TMEM163: variants seen among roughly 807,000 people sequenced by gnomAD.
TMEM163 encodes transmembrane protein 163.
Under a neutral mutation model 29.3 loss-of-function variants are expected in TMEM163, and 17 were observed. The observed-to-expected ratio is 0.58, with a 90% CI of 0.40 to 0.87. The LOEUF is 0.87. Among genes scored for constraint, TMEM163 ranks in the 40% least tolerant of loss-of-function variants. The pLI is 0.00. For missense variants in TMEM163, 303 were observed against 381.5 expected (o/e 0.79, Z 1.71); for synonymous variants, 157 against 160.6 (o/e 0.98, Z 0.17).
In TMEM163 at chr2:134,645,206, A is replaced by T. The variant is rs1683307216; in HGVS notation, c.322+67994T>A. Among the ~76,000 whole-genome samples the T allele has an allele frequency of 2.0e-5, 3 of 152,236 alleles. No individual in the cohort carries two copies. The South Asian group carries it at 6.2e-4, about 31-fold the overall frequency. ...AACCAGTCTTGAAAAACAGTTTGACAATTTCTTATAAATTTAAACATACAC... is the reference window on the plus strand; with the variant it reads ...AACCAGTCTTGAAAAACAGTTTGACTATTTCTTATAAATTTAAACATACAC... On this transcript the variant is annotated intron_variant, in intron 2 of 7. Coordinates refer to ENST00000281924, the MANE Select transcript of TMEM163 (RefSeq NM_030923.5).
At chr2:134,674,260 C>G (rs1276154686) in intron 2 of TMEM163, among the ~76,000 whole-genome samples, 1 of 152,062 alleles carries the variant, frequency 6.6e-6, no homozygotes, top group East Asian at 1.9e-4. Context: ...CAGGTATCAG[C>G]CCAGCTTTAT....
chr2:134,596,551 C>T (rs1167918364), intron 2 of TMEM163, among the ~76,000 whole-genome samples: 1 of 152,192 alleles, frequency 6.6e-6, no homozygotes, highest in African/African-American at 2.4e-5. Flanking sequence ...TAGCGTGATG[C>T]CTCCAGCTTT....
chr2:134,717,843 A>G (rs1375633482), intron 1 of TMEM163, among the ~76,000 whole-genome samples: 1 of 152,194 alleles, frequency 6.6e-6, no homozygotes, highest in Admixed American at 6.5e-5. Context: ...AAAGAATCCA[A>G]GCCCAAAGGA....
rs79528235 is a variant in TMEM163, at chr2:134,587,655, C to T, written c.323-35564G>A. Among the ~76,000 whole-genome samples the T allele has an allele frequency of 3.1e-3, 472 of 152,282 alleles. 10 individuals are homozygous for T. Among genetic ancestry groups the T allele is most frequent in the Admixed American group, 0.026 (397 of 15,286 alleles). On this transcript the variant is annotated intron_variant, in intron 2 of 7. Coordinates refer to ENST00000281924, the MANE Select transcript of TMEM163 (RefSeq NM_030923.5). ...GTTCTAAAACTAAGACTCTAAGACT[C>T]TCAATAAGAAAGCAGTTCCTTAACC...
At chr2:134,514,065 C>G (rs1461383394) in intron 4 of TMEM163, among the ~76,000 whole-genome samples, 1 of 152,186 alleles carries the variant, frequency 6.6e-6, no homozygotes, top group Non-Finnish European at 1.5e-5. Flanking sequence ...TTCTGCAGCC[C>G]TTAAGTAAGC....
intron 1 of TMEM163, among the ~76,000 whole-genome samples, chr2:134,718,350 G>C (rs374742704): frequency 2.6e-5 from 4 of 152,238 alleles, no homozygotes; most frequent in Non-Finnish European, 5.9e-5. Context: ...AGGATGCAAC[G>C]AGCCTGGGTC....
intron 2 of TMEM163, among the ~76,000 whole-genome samples, chr2:134,671,494 C>A (rs1278350106): frequency 6.6e-6 from 1 of 152,172 alleles, no homozygotes; most frequent in Non-Finnish European, 1.5e-5. Flanking sequence ...GGGTTCAAGC[C>A]CGAAACAAAC....
chr2:134,560,625 C>G (rs1681147259), intron 2 of TMEM163, among the ~76,000 whole-genome samples: 1 of 152,142 alleles, frequency 6.6e-6, no homozygotes, highest in East Asian at 1.9e-4. Context: ...TGGCAAAGAT[C>G]TAGGATTAAG....
At chr2:134,591,928 C>T (rs983394985) in intron 2 of TMEM163, among the ~76,000 whole-genome samples, 1 of 151,014 alleles carries the variant, frequency 6.6e-6, no homozygotes, top group Admixed American at 6.6e-5. Context: ...AAAAAACAAC[C>T]TGTAAAATAT....
chr2:134,516,712 CATAT>C (rs370430753), intron 4 of TMEM163, among the ~76,000 whole-genome samples: 11 of 72,848 alleles, frequency 1.5e-4, no homozygotes, highest in South Asian at 8.6e-4. Context: ...TTCATATATA[CATAT>C]ATATTCATAT....
intron 2 of TMEM163, among the ~76,000 whole-genome samples, chr2:134,711,097 C>A (rs1175566756): frequency 1.3e-5 from 2 of 152,202 alleles, no homozygotes; most frequent in Non-Finnish European, 2.9e-5. Flanking sequence ...TTAAACATAA[C>A]TTCGAAAGTC....
chr2:134,671,747 C>G (rs1212391096), intron 2 of TMEM163, among the ~76,000 whole-genome samples: 1 of 152,208 alleles, frequency 6.6e-6, no homozygotes, highest in African/African-American at 2.4e-5. Context: ...AGCCCCACCC[C>G]TGAGGGGCTT....
chr2:134,673,229 C>T (rs557138344), intron 2 of TMEM163, among the ~76,000 whole-genome samples: 5 of 152,208 alleles, frequency 3.3e-5, no homozygotes, highest in Admixed American at 1.3e-4. Context: ...GATATAGTCC[C>T]GTTTCATGAG....
At position 134,641,266 on chromosome 2, in the gene TMEM163, G is replaced by A. The variant is rs114004530; in HGVS notation, c.322+71934C>T. Among the ~76,000 whole-genome samples, 993 of 152,222 alleles carry A rather than the reference G, an allele frequency of 6.5e-3. 17 individuals carry two copies. Among genetic ancestry groups the A allele is most frequent in the African/African-American group, 0.023 (955 of 41,528 alleles). Reference sequence around the variant, plus strand: ...GAAAATCTTTTTAAAAAGTGGTGGTGGAATAACTGAATAGTCGACTGTAAG... The same window carrying A: ...GAAAATCTTTTTAAAAAGTGGTGGTAGAATAACTGAATAGTCGACTGTAAG... On this transcript the variant is annotated intron_variant, in intron 2 of 7. Transcript: ENST00000281924.
At chr2:134,688,786 A>G (rs13389916) in intron 2 of TMEM163, among the ~76,000 whole-genome samples, 6,784 of 152,082 alleles carry the variant, frequency 0.045, 225 homozygotes, top group Admixed American at 0.087. Context: ...GGACTCAGAC[A>G]CACCGCCCCA....
intron 2 of TMEM163, among the ~76,000 whole-genome samples, chr2:134,575,447 G>T (rs1681530995): frequency 6.6e-6 from 1 of 152,162 alleles, no homozygotes; most frequent in South Asian, 2.1e-4. Context: ...AATGCTAGGG[G>T]CCTGCGGTAT....
chr2:134,535,536 T>C (rs776230628), intron 4 of TMEM163, among the ~76,000 whole-genome samples: 30 of 151,974 alleles, frequency 2.0e-4, no homozygotes, highest in Non-Finnish European at 3.4e-4. Flanking sequence ...AAGGGGAGAG[T>C]AGCAAATGGG....
rs576665672 is a variant in TMEM163, at chr2:134,569,182, A to G, written c.323-17091T>C. Reference sequence around the variant, plus strand: ...TAGGAGTCATAGTTTTTCTTGATCCAATGACAATAATTCTTCCCTGACAGC... The same window carrying G: ...TAGGAGTCATAGTTTTTCTTGATCCGATGACAATAATTCTTCCCTGACAGC... On this transcript the variant is annotated intron_variant, in intron 2 of 7. Coordinates refer to ENST00000281924, the MANE Select transcript of TMEM163 (RefSeq NM_030923.5). Among the ~76,000 whole-genome samples the G allele has an allele frequency of 2.6e-5, 4 of 152,356 alleles. No homozygotes were observed. In the South Asian group the frequency reaches 6.2e-4, roughly 24 times the overall value.
At chr2:134,480,056 G>A (rs779498487) in intron 5 of TMEM163, among the ~76,000 whole-genome samples, 17 of 152,274 alleles carry the variant, frequency 1.1e-4, no homozygotes, top group South Asian at 4.1e-4. Flanking sequence ...TGCCCCATAC[G>A]CAGTCTTGCA....
Sources: allele counts gnomAD v4.1 joint callset (sites outside exome capture counted in the v4.1 genomes callset), GRCh38; gene constraint gnomAD v4.1.1; transcripts MANE v1.5; gene names NCBI Gene and HGNC (gene_info 2026-07-23, HGNC 2026-07-21).